COL22A1: variants seen among roughly 807,000 people sequenced by gnomAD.
COL22A1 encodes the protein collagen alpha-1(XXII) chain.
A neutral mutation model predicts 248.9 loss-of-function variants in COL22A1; 221 were observed. The observed-to-expected ratio is 0.89, with a 90% CI of 0.80 to 0.99. The LOEUF (loss-of-function observed/expected upper bound fraction) is 0.99, where lower values mean the gene tolerates loss of function less well. COL22A1 is among the 50% of genes least tolerant of loss of function. The pLI, the probability that COL22A1 is intolerant of heterozygous loss-of-function variation, is 0.00. For missense variants in COL22A1, 2,240 were observed against 2,179.0 expected, an observed-to-expected ratio of 1.03 and a Z score of -0.56; for synonymous variants, 891 against 793.4, an observed-to-expected ratio of 1.12 and a Z score of -2.07.
At chr8:138,616,882 G>T (rs769307760) in intron 54 of COL22A1, 32 bp downstream of exon 54, 1 of 1,612,634 alleles carries the variant, frequency 6.2e-7, no homozygotes, top group Admixed American at 1.7e-5. Context: ...CTGCCCACCT[G>T]GGGGGACCTC....
At chr8:138,885,929 G>C (rs1030033455) in intron 1 of COL22A1, among the ~76,000 whole-genome samples, 4 of 152,146 alleles carry the variant, frequency 2.6e-5, no homozygotes, top group Non-Finnish European at 5.9e-5. Flanking sequence ...CCTGTGCTGG[G>C]CTTATATCAA....
chr8:138,825,798 T>A (rs1015741970), intron 6 of COL22A1: 2 of 152,202 alleles, frequency 1.3e-5, no homozygotes, highest in African/African-American at 4.8e-5. Flanking sequence ...GTGAGTAATA[T>A]CTTCATCCAG....
intron 21 of COL22A1, 94 bp downstream of exon 21, chr8:138,755,063 G>T: frequency 7.8e-7 from 1 of 1,276,190 alleles, no homozygotes; most frequent in South Asian, 1.2e-5. Context: ...TTGAGATAAT[G>T]CCATGCTCAG....
rs1818268348 is a variant in COL22A1, at chr8:138,811,897, G to A, written c.1351C>T (p.Pro451Ser). 1 of 1,561,092 alleles carries A rather than the reference G, an allele frequency of 6.4e-7. No homozygotes were observed. Among genetic ancestry groups the A allele is most frequent in the Non-Finnish European group, 8.7e-7 (1 of 1,154,222 alleles). Residue 451 changes from proline to serine, a missense_variant, in exon 9 of 65, where the codon CCT (proline) becomes TCT (serine). Transcript: ENST00000303045. ...GPCQVTVVTEPPPPPPPQRPP... is the reference protein window; with the variant it reads ...GPCQVTVVTESPPPPPPQRPP... ...CGCTGGGGTGGGGGTGGAGGTGGAGGCTCTGTCACCACGGTCACCTGGCAC... is the reference window on the plus strand; with the variant it reads ...CGCTGGGGTGGGGGTGGAGGTGGAGACTCTGTCACCACGGTCACCTGGCAC...
At chr8:138,776,873 G>T (rs1279266460) in intron 15 of COL22A1, among the ~76,000 whole-genome samples, 2 of 152,188 alleles carry the variant, frequency 1.3e-5, no homozygotes, top group East Asian at 3.9e-4. Flanking sequence ...GTTTGGCACA[G>T]GAATCTTCTA....
In COL22A1 at chr8:138,779,525, C is replaced by G; in HGVS notation, c.1688G>C (p.Gly563Ala). ...AACACTCACCCGCATGCCGACCTCA[C>G]CCGGCAGCCCCGGCTCTCCCAGCTC... is the stretch of plus-strand genomic sequence containing the variant. ...PGELGEPGLP[G>A]EVGMRGPQGP... Residue 563 changes from glycine to alanine, a missense_variant, in exon 14 of 65, where the codon GGT becomes GCT. Gly to Ala is a moderately conservative substitution (Grantham distance 60). Transcript: ENST00000303045. The G allele has an allele frequency of 8.7e-6, 14 of 1,613,080 alleles. No individual in the cohort carries two copies. Among genetic ancestry groups the G allele is most frequent in the Non-Finnish European group, 1.2e-5 (14 of 1,179,070 alleles).
In COL22A1 at chr8:138,630,387, C is replaced by T. The variant is rs150654567; in HGVS notation, c.3663+308G>A. Among the ~76,000 whole-genome samples, 1,467 of 152,320 alleles carry T rather than the reference C, an allele frequency of 9.6e-3. 19 individuals carry two copies. The highest frequency in any genetic ancestry group is 0.032 in the African/African-American group (1,314 of 41,576). On this transcript the variant is annotated intron_variant, in intron 50 of 64. Transcript: ENST00000303045. The stretch of plus-strand genomic sequence containing the variant: ...GCACCTGCTCAATATAGAAACCACA[C>T]TGACAAGAAATTGAGATATGGGGCC...
intron 32 of COL22A1, among the ~76,000 whole-genome samples, chr8:138,699,641 C>T (rs1270324932): frequency 6.6e-6 from 1 of 152,000 alleles, no homozygotes; most frequent in Non-Finnish European, 1.5e-5. Flanking sequence ...TCCATCGGCA[C>T]ACCCCAGGCT....
chr8:138,739,341 C>T (rs1305948761), intron 22 of COL22A1, among the ~76,000 whole-genome samples: 2 of 152,150 alleles, frequency 1.3e-5, no homozygotes. Context: ...TTTCCTTCTG[C>T]CTGGGTTTGT....
At position 138,660,853 on chromosome 8, in the gene COL22A1, TACACAGACACACAAAC is replaced by T. The variant is rs1297412027; in HGVS notation, c.3241-389_3241-374del. 7.9e-4 allele frequency among the ~76,000 whole-genome samples: 100 copies of T among 126,902 alleles called. 1 individual carries two copies. Among genetic ancestry groups the T allele is most frequent in the African/African-American group, 3.2e-3 (95 of 29,412 alleles). The allele number at this position is 126,902 out of a possible 152,430, so 83.3% of individuals were successfully genotyped here. On this transcript the variant is annotated intron_variant, in intron 43 of 64. Transcript: ENST00000303045. ...ATACACACACAGACACACACACACA[TACACAGACACACAAAC>T]ACACAGACACACACATACACAGACA...
chr8:138,754,898 G>T (rs1171097097), intron 21 of COL22A1, among the ~76,000 whole-genome samples: 1 of 152,194 alleles, frequency 6.6e-6, no homozygotes, highest in Non-Finnish European at 1.5e-5. Context: ...GCTGGGGACT[G>T]GGGGCTCTGA....
chr8:138,754,368 T>C (rs1388195234), intron 21 of COL22A1, among the ~76,000 whole-genome samples: 2 of 152,262 alleles, frequency 1.3e-5, no homozygotes, highest in East Asian at 1.9e-4. Flanking sequence ...CTAATTTTCC[T>C]AGAATTAAAC....
intron 5 of COL22A1, among the ~76,000 whole-genome samples, chr8:138,829,288 G>A (rs1338790303): frequency 2.0e-5 from 3 of 152,100 alleles, no homozygotes; most frequent in African/African-American, 7.2e-5. Flanking sequence ...TGCCCATGCA[G>A]GAGGAAGATG....
intron 30 of COL22A1, among the ~76,000 whole-genome samples, chr8:138,707,319 G>T (rs559823458): frequency 1.3e-5 from 2 of 152,164 alleles, no homozygotes; most frequent in South Asian, 4.2e-4. Flanking sequence ...CCAAAGCTTG[G>T]CAGAGACACA....
chr8:138,620,407 T>C (rs1819689869), intron 52 of COL22A1: 1 of 147,154 alleles, frequency 6.8e-6, no homozygotes, highest in Admixed American at 6.7e-5. Flanking sequence ...TCCTTGGATT[T>C]AGAAAAAAAA....
At chr8:138,654,544 A>G (rs1823049023) in intron 45 of COL22A1, among the ~76,000 whole-genome samples, 1 of 152,176 alleles carries the variant, frequency 6.6e-6, no homozygotes, top group South Asian at 2.1e-4. Context: ...AGAGAACAAG[A>G]GGGAAGGAAG....
At position 138,737,517 on chromosome 8, in the gene COL22A1, T is replaced by C. The variant is rs1831215751; in HGVS notation, c.2139+7A>G. 2 of 1,596,268 alleles carry C rather than the reference T, an allele frequency of 1.3e-6. No individual in the cohort carries two copies. Among genetic ancestry groups the C allele is most frequent in the African/African-American group, 2.7e-5 (2 of 74,640 alleles). On this transcript the variant is annotated splice_region_variant and intron_variant, in intron 23 of 64. Coordinates refer to ENST00000303045, the MANE Select transcript of COL22A1 (RefSeq NM_152888.3). Reference sequence around the variant, plus strand: ...TTGCTATGGAAGAGAATGTAAAAGGTAGTTACCTGCAGCCCCAGCAATCCA... The same window carrying C: ...TTGCTATGGAAGAGAATGTAAAAGGCAGTTACCTGCAGCCCCAGCAATCCA...
chr8:138,633,485 T>C (rs1019248772), intron 49 of COL22A1, among the ~76,000 whole-genome samples: 1 of 152,242 alleles, frequency 6.6e-6, no homozygotes, highest in African/African-American at 2.4e-5. Context: ...GTTATGGGGT[T>C]TGGAACTACC....
At chr8:138,870,153 G>A (rs1823212327) in intron 3 of COL22A1, among the ~76,000 whole-genome samples, 1 of 151,728 alleles carries the variant, frequency 6.6e-6, no homozygotes, top group Admixed American at 6.6e-5. Context: ...TGCATGGTGT[G>A]CCTGTGTGTG....
Sources: allele counts gnomAD v4.1 joint callset (sites outside exome capture counted in the v4.1 genomes callset), GRCh38; gene constraint gnomAD v4.1.1; transcripts MANE v1.5; gene names NCBI Gene and HGNC (gene_info 2026-07-23, HGNC 2026-07-21).